RORA: variants seen among roughly 807,000 people sequenced by gnomAD.
RORA encodes nuclear receptor ROR-alpha.
RORA carries 7 observed loss-of-function variants against 69.5 expected under a neutral mutation model. The ratio of observed to expected loss-of-function variants is 0.10; its 90% CI spans 0.06 to 0.19. The LOEUF (loss-of-function observed/expected upper bound fraction) is 0.19. Among genes scored for constraint, RORA ranks in the 10% least tolerant of loss-of-function variants. The pLI, the probability that RORA is intolerant of heterozygous loss-of-function variation, is 1.00. For missense variants in RORA, 457 were observed against 663.0 expected, an observed-to-expected ratio of 0.69 and a Z score of 3.41; for synonymous variants, 261 against 240.8, an observed-to-expected ratio of 1.08 and a Z score of -0.78.
intron 1 of RORA, among the ~76,000 whole-genome samples, chr15:60,833,722 T>C (rs1424873535): frequency 6.6e-6 from 1 of 152,234 alleles, no homozygotes; most frequent in South Asian, 2.1e-4. Flanking sequence ...ATCTTTGTAC[T>C]GTCTTTTTCA....
chr15:60,803,846 T>C (rs2072621063), intron 1 of RORA, among the ~76,000 whole-genome samples: 1 of 152,190 alleles, frequency 6.6e-6, no homozygotes, highest in African/African-American at 2.4e-5. Flanking sequence ...TGACCCACAA[T>C]ATGGAGAATC....
At chr15:60,672,215 A>G (rs2070484162) in intron 2 of RORA, among the ~76,000 whole-genome samples, 2 of 152,172 alleles carry the variant, frequency 1.3e-5, no homozygotes, top group South Asian at 4.1e-4. Flanking sequence ...TTAGAAGCCT[A>G]TGGAGGTAGC....
intron 2 of RORA, among the ~76,000 whole-genome samples, chr15:60,609,502 C>G (rs112422524): frequency 1.3e-5 from 2 of 152,132 alleles, no homozygotes; most frequent in African/African-American, 2.4e-5. Flanking sequence ...GATCATTTGT[C>G]ACACTCTAGG....
At chr15:60,933,823 G>A (rs1473178929) in intron 1 of RORA, among the ~76,000 whole-genome samples, 1 of 152,144 alleles carries the variant, frequency 6.6e-6, no homozygotes, top group Non-Finnish European at 1.5e-5. Context: ...TTTTCATATG[G>A]GAAAAAGCAG....
At chr15:61,152,700 CT>C (rs1428683785) in intron 1 of RORA, among the ~76,000 whole-genome samples, 1 of 152,100 alleles carries the variant, frequency 6.6e-6, no homozygotes, top group East Asian at 1.9e-4. Flanking sequence ...TGGAAAGCAA[CT>C]TTTTAGGACA....
chr15:60,886,422 C>T (rs902269594), intron 1 of RORA, among the ~76,000 whole-genome samples: 2 of 152,140 alleles, frequency 1.3e-5, no homozygotes, highest in Non-Finnish European at 2.9e-5. Flanking sequence ...TACACTGCAA[C>T]GTCTTTTGCC....
chr15:60,722,054 GA>G (rs1167145811), intron 1 of RORA, among the ~76,000 whole-genome samples: 1 of 152,190 alleles, frequency 6.6e-6, no homozygotes, highest in Non-Finnish European at 1.5e-5. Flanking sequence ...CACAATTACT[GA>G]AACTATACCA....
At position 60,840,806 on chromosome 15, in the gene RORA, C is replaced by T. The variant is rs117099553; in HGVS notation, c.167-162120G>A. On this transcript the variant is annotated intron_variant, in intron 1 of 10. Coordinates refer to ENST00000335670, the MANE Select transcript of RORA (RefSeq NM_134261.3). ...TATCCCCTAATCCTGTCTCCGTGGCCCGGCAGCCTGACTGACAAAGCATCC... is the reference window on the plus strand; with the variant it reads ...TATCCCCTAATCCTGTCTCCGTGGCTCGGCAGCCTGACTGACAAAGCATCC... Among the ~76,000 whole-genome samples the T allele has an allele frequency of 3.9e-3, 592 of 152,318 alleles. 2 individuals carry two copies. The Middle Eastern group carries it at 0.045, about 11-fold the overall frequency.
chr15:60,946,060 T>C (rs373795802), intron 1 of RORA, among the ~76,000 whole-genome samples: 50 of 152,182 alleles, frequency 3.3e-4, no homozygotes, highest in Non-Finnish European at 6.5e-4. Flanking sequence ...AGGAAGAAGA[T>C]GCATTCCAAG....
chr15:61,168,445 G>C (rs2079557082), intron 1 of RORA, among the ~76,000 whole-genome samples: 1 of 152,212 alleles, frequency 6.6e-6, no homozygotes, highest in Non-Finnish European at 1.5e-5. Flanking sequence ...AATTAGTAGA[G>C]ACAGGGTTTC....
chr15:60,730,909 A>G (rs1422698177), intron 1 of RORA, among the ~76,000 whole-genome samples: 1 of 151,662 alleles, frequency 6.6e-6, no homozygotes, highest in East Asian at 1.9e-4. Context: ...CTTTTTAAAC[A>G]TACTTTTATT....
intron 2 of RORA, among the ~76,000 whole-genome samples, chr15:60,588,169 C>A (rs1295165806): frequency 6.6e-6 from 1 of 151,976 alleles, no homozygotes; most frequent in Non-Finnish European, 1.5e-5. Flanking sequence ...TGGATGGCTC[C>A]AAAAAAACTG....
chr15:60,667,952 A>T (rs339971), intron 2 of RORA, among the ~76,000 whole-genome samples: 112,617 of 149,712 alleles, frequency 0.75, 42,654 homozygotes, highest in East Asian at 0.99. Flanking sequence ...TTTTTTTTTT[A>T]AATTTAATTC....
chr15:60,554,849 C>T (rs990036684), intron 2 of RORA, among the ~76,000 whole-genome samples: 4 of 152,094 alleles, frequency 2.6e-5, no homozygotes, highest in Non-Finnish European at 5.9e-5. Context: ...CATTCTCCCC[C>T]AATCATCAAG....
intron 1 of RORA, among the ~76,000 whole-genome samples, chr15:60,724,884 G>A (rs2071337553): frequency 6.6e-6 from 1 of 152,150 alleles, no homozygotes; most frequent in African/African-American, 2.4e-5. Flanking sequence ...GTGCTCCCAG[G>A]TCCTGGCTCC....
intron 1 of RORA, among the ~76,000 whole-genome samples, chr15:60,865,010 A>C (rs546630308): frequency 6.6e-6 from 1 of 152,232 alleles, no homozygotes; most frequent in African/African-American, 2.4e-5. Context: ...AAGAAAGTTG[A>C]TGCTGTGAAG....
At chr15:61,132,694 C>G (rs2079201908) in intron 1 of RORA, among the ~76,000 whole-genome samples, 1 of 152,162 alleles carries the variant, frequency 6.6e-6, no homozygotes, top group South Asian at 2.1e-4. Flanking sequence ...TCTGCTGTAA[C>G]AGTCCTGCTG....
chr15:60,835,460 A>G (rs570196221), intron 1 of RORA, among the ~76,000 whole-genome samples: 2 of 152,336 alleles, frequency 1.3e-5, no homozygotes, highest in South Asian at 4.1e-4. Context: ...CAGAAACACC[A>G]TCAGCTCTCT....
chr15:61,061,995 G>A lies in RORA; in HGVS notation c.166+167058C>T, dbSNP rs1342892527. Among the ~76,000 whole-genome samples the A allele has an allele frequency of 4.6e-5, 7 of 152,148 alleles. No individual in the cohort carries two copies. The highest frequency in any genetic ancestry group is 7.2e-5 in the African/African-American group (3 of 41,430). On this transcript the variant is annotated intron_variant, in intron 1 of 10. Transcript: ENST00000335670. The surrounding 1 kb of genome is among the most constrained non-coding windows in gnomAD (Gnocchi z 4.4). ...GGAGAATCCCTTGAACCTAGGAGAC[G>A]GAGGTTGCAGTGAGCTGGGATTGTG...
Sources: gnomAD v4.1 joint callset for allele counts (sites outside exome capture counted in the v4.1 genomes callset) on GRCh38, gnomAD v4.1.1 for gene constraint, Gnocchi (gnomAD v3.1) non-coding constraint, MANE v1.5 for transcripts, NCBI Gene and HGNC (gene_info 2026-07-23, HGNC 2026-07-21) for gene names.